HIBCH: variants seen among roughly 807,000 people sequenced by gnomAD.
HIBCH encodes the protein 3-hydroxyisobutyryl-CoA hydrolase, mitochondrial.
HIBCH carries 50 observed loss-of-function variants against 58.2 expected under a neutral mutation model. The ratio of observed to expected loss-of-function variants is 0.86; its 90% CI spans 0.68 to 1.09. The LOEUF is 1.09. HIBCH is among the 50% of genes least tolerant of loss of function. The probability of loss-of-function intolerance (pLI) is 0.00; values close to 1 mark genes in which losing one functional copy is unlikely to be tolerated. For synonymous variants in HIBCH, 151 were observed against 146.9 expected, an observed-to-expected ratio of 1.03 and a Z score of -0.20; for missense variants, 450 against 449.7, an observed-to-expected ratio of 1.00 and a Z score of -0.01.
At chr2:190,297,266 G>A (rs1688129104) in intron 2 of HIBCH, among the ~76,000 whole-genome samples, 2 of 152,176 alleles carry the variant, frequency 1.3e-5, no homozygotes, top group South Asian at 4.1e-4. Context: ...TGTATATCAA[G>A]TTCTATGTTA....
chr2:190,258,113 T>C (rs1686980381), intron 7 of HIBCH, among the ~76,000 whole-genome samples: 2 of 152,142 alleles, frequency 1.3e-5, no homozygotes, highest in African/African-American at 4.8e-5. Context: ...GATTTCCCCC[T>C]TGCTGTTCTC....
chr2:190,294,641 G>T lies in HIBCH; in HGVS notation c.220-11C>A. ...ATCTTGTTCCCACTTCTATTCAAAT[G>T]TAACAGAAGATGGTATAAGCATATT... On this transcript the variant is annotated splice_polypyrimidine_tract_variant and intron_variant, in intron 3 of 13. Transcript: ENST00000359678. The T allele has an allele frequency of 6.4e-7, 1 of 1,564,776 alleles. No individual in the cohort carries two copies. Among genetic ancestry groups the T allele is most frequent in the Non-Finnish European group, 8.8e-7 (1 of 1,135,888 alleles).
At chr2:190,280,369 G>T (rs1004341266) in intron 6 of HIBCH, among the ~76,000 whole-genome samples, 4 of 152,138 alleles carry the variant, frequency 2.6e-5, no homozygotes, top group African/African-American at 9.7e-5. Context: ...GAGCAGGGCA[G>T]AGAGCTCCCC....
At position 190,252,142 on chromosome 2, in the gene HIBCH, G is replaced by T; in HGVS notation, c.663+20C>A. On this transcript the variant is annotated intron_variant, in intron 8 of 13. Transcript: ENST00000359678. ...TGTTGTTATTCCAACAATACAAAAT[G>T]CAAACATCTGAAAAAGTACCTTTTC... 6.2e-7 allele frequency: 1 copy of T among 1,611,428 alleles called. No homozygotes were observed. Among genetic ancestry groups the T allele is most frequent in the Non-Finnish European group, 8.5e-7 (1 of 1,177,796 alleles).
Position 190,252,272 on chromosome 2 carries a change from G to T in HIBCH, c.553C>A (p.Pro185Thr), listed in dbSNP as rs758479416. The change falls in exon 8 of 14, where the codon CCA becomes ACA. Residue 185 changes from proline (P) to threonine (T), a missense_variant. Transcript: ENST00000359678. ...TAACCAAGTTTTCCTTGGAGTCGTG[G>T]CAAGAAATAACCTCCACCCACATCA... ...FPDVGGGYFLPRLQGKLGYFL... is the reference protein window; with the variant it reads ...FPDVGGGYFLTRLQGKLGYFL... 1 of 1,613,176 alleles carries T rather than the reference G, an allele frequency of 6.2e-7. No individual in the cohort carries two copies. Among genetic ancestry groups the T allele is most frequent in the Non-Finnish European group, 8.5e-7 (1 of 1,179,358 alleles).
intron 2 of HIBCH, among the ~76,000 whole-genome samples, chr2:190,297,952 G>A (rs1160079900): frequency 6.3e-5 from 7 of 111,514 alleles, no homozygotes; most frequent in South Asian, 3.1e-4. Context: ...TCCTTTCCCC[G>A]TGTCTGTGTG....
chr2:190,298,758 AT>A (rs1382621019), intron 2 of HIBCH, among the ~76,000 whole-genome samples: 1 of 151,988 alleles, frequency 6.6e-6, no homozygotes, highest in African/African-American at 2.4e-5. Flanking sequence ...ATTAGATCCC[AT>A]TTGTCAATTT....
chr2:190,242,156 T>C (rs1686472600), intron 11 of HIBCH, among the ~76,000 whole-genome samples: 1 of 152,058 alleles, frequency 6.6e-6, no homozygotes, highest in African/African-American at 2.4e-5. Context: ...GCTTTGTTCA[T>C]TCTTTTTCAT....
intron 6 of HIBCH, among the ~76,000 whole-genome samples, chr2:190,284,885 C>A (rs888283147): frequency 3.3e-5 from 5 of 152,034 alleles, no homozygotes; most frequent in African/African-American, 7.2e-5. Flanking sequence ...TTTGTTTTTA[C>A]TTAAAGTCTT....
chr2:190,303,256 T>TGAGA (rs1688316675), intron 2 of HIBCH, among the ~76,000 whole-genome samples: 1 of 152,196 alleles, frequency 6.6e-6, no homozygotes, highest in Non-Finnish European at 1.5e-5. Flanking sequence ...CTCTATCCTC[T>TGAGA]GAGAGAAAGC....
chr2:190,193,080 T>C (rs1203363703), intron 1 of HIBCH, among the ~76,000 whole-genome samples: 1 of 152,138 alleles, frequency 6.6e-6, no homozygotes, highest in Non-Finnish European at 1.5e-5. Flanking sequence ...GCCTTGCTCC[T>C]GTCATAGGGA....
rs1265891427 is a variant in HIBCH, at chr2:190,279,316, G to T, written c.438+8270C>A. On this transcript the variant is annotated intron_variant, in intron 6 of 13. Coordinates refer to ENST00000359678, the MANE Select transcript of HIBCH (RefSeq NM_014362.4). This position sits in a 1 kb window ranked among gnomAD's most constrained non-coding sequence, Gnocchi z 4.2. ...AAGTTTCAACATGAGTTTCGGTGGGGACAAATATTCAAACCGTAGCATTCC... is the reference window on the plus strand; with the variant it reads ...AAGTTTCAACATGAGTTTCGGTGGGTACAAATATTCAAACCGTAGCATTCC... Among the ~76,000 whole-genome samples, 3 of 152,058 alleles carry T rather than the reference G, an allele frequency of 2.0e-5. No homozygotes were observed. Among genetic ancestry groups the T allele is most frequent in the South Asian group, 2.1e-4 (1 of 4,814 alleles).
intron 2 of HIBCH, among the ~76,000 whole-genome samples, chr2:190,297,378 T>C (rs1688131142): frequency 6.6e-6 from 1 of 152,164 alleles, no homozygotes; most frequent in Admixed American, 6.5e-5. Context: ...TGGGGCTTGA[T>C]GTATCCCAAG....
intron 4 of HIBCH, among the ~76,000 whole-genome samples, chr2:190,293,985 T>A (rs982590074): frequency 3.4e-5 from 5 of 146,974 alleles, no homozygotes; most frequent in Admixed American, 2.1e-4. Flanking sequence ...ACGTAAAATA[T>A]ACTTACAATA....
chr2:190,287,545 C>T lies in HIBCH; in HGVS notation c.438+41G>A, dbSNP rs769340048. 8.9e-6 allele frequency: 11 copies of T among 1,235,734 alleles called. No individual in the cohort carries two copies. In the South Asian group the frequency reaches 1.2e-4, roughly 14 times the overall value. The allele number at this position is 1,235,734 out of a possible 1,614,324, so 76.5% of individuals were successfully genotyped here. A position where few individuals can be genotyped will look rare whatever the true frequency, so the allele number is the denominator to read the frequency against. On this transcript the variant is annotated intron_variant, in intron 6 of 13. Coordinates refer to ENST00000359678, the MANE Select transcript of HIBCH (RefSeq NM_014362.4). ...AATAATTATTAACTTATTTTTAATA[C>T]AACTCACTCATACAATGATCAGAGT...
chr2:190,302,123 GAA>G (rs77095858), intron 2 of HIBCH, among the ~76,000 whole-genome samples: 62,785 of 151,988 alleles, frequency 0.41, 15,917 homozygotes, highest in South Asian at 0.58. Context: ...CATAAATTTG[GAA>G]AAGAGAGCTT....
chr2:190,307,181 T>C (rs1309738977), intron 2 of HIBCH, among the ~76,000 whole-genome samples: 1 of 152,140 alleles, frequency 6.6e-6, no homozygotes, highest in Non-Finnish European at 1.5e-5. Context: ...TAGGACACCA[T>C]CTGGACATCA....
At chr2:190,274,066 C>T (rs1288398760) in intron 6 of HIBCH, among the ~76,000 whole-genome samples, 4 of 152,128 alleles carry the variant, frequency 2.6e-5, no homozygotes, top group Non-Finnish European at 5.9e-5. Context: ...CCTCCCAAAG[C>T]GCTGGGATTA....
intron 6 of HIBCH, among the ~76,000 whole-genome samples, chr2:190,268,024 T>C (rs1174772762): frequency 6.6e-6 from 1 of 152,180 alleles, no homozygotes; most frequent in African/African-American, 2.4e-5. Context: ...CTCAAAAATA[T>C]CTGCATTTTA....
Sources: gnomAD v4.1 joint callset for allele counts (sites outside exome capture counted in the v4.1 genomes callset) on GRCh38, gnomAD v4.1.1 for gene constraint, Gnocchi (gnomAD v3.1) non-coding constraint, MANE v1.5 for transcripts, NCBI Gene and HGNC (gene_info 2026-07-23, HGNC 2026-07-21) for gene names.